CHRM5: variants seen among roughly 807,000 people sequenced by gnomAD.
The protein encoded by CHRM5 is muscarinic acetylcholine receptor M5.
CHRM5 carries 18 observed loss-of-function variants against 39.0 expected under a neutral mutation model. The observed-to-expected ratio is 0.46, with a 90% CI of 0.32 to 0.68. The LOEUF (loss-of-function observed/expected upper bound fraction) is 0.68. Among genes scored for constraint, CHRM5 ranks in the 30% least tolerant of loss-of-function variants. The pLI is 0.04. For synonymous variants in CHRM5, 241 were observed against 246.3 expected, an observed-to-expected ratio of 0.98 and a Z score of 0.20; for missense variants, 515 against 651.1, an observed-to-expected ratio of 0.79 and a Z score of 2.28.
rs554745776 is a variant in CHRM5 at position 34,063,068 on chromosome 15, T to C, written c.351T>C (p.Ser117=). ...LALDYVASNA[S]VMNLLVISFD... ...TGGACTACGTGGCCAGCAACGCTTC[T>C]GTCATGAACCTTCTGGTGATCAGTT... Residue 117 remains serine (S), a synonymous_variant, in exon 3 of 3, where the codon TCT becomes TCC. Coordinates refer to ENST00000383263, the MANE Select transcript of CHRM5 (RefSeq NM_012125.4). The surrounding 1 kb of genome is among the most constrained non-coding windows in gnomAD (Gnocchi z 4.1). The C allele has an allele frequency of 1.2e-6, 2 of 1,614,254 alleles. No homozygotes were observed. Among genetic ancestry groups the C allele is most frequent in the South Asian group, 2.2e-5 (2 of 91,084 alleles).
intron 1 of CHRM5, among the ~76,000 whole-genome samples, chr15:33,984,073 G>A (rs1457475987): frequency 6.6e-6 from 1 of 152,046 alleles, no homozygotes; most frequent in Non-Finnish European, 1.5e-5. Flanking sequence ...AATGTAATGT[G>A]GTATCCTGAG....
intron 2 of CHRM5, among the ~76,000 whole-genome samples, chr15:34,059,975 G>T (rs547537697): frequency 6.6e-6 from 1 of 151,400 alleles, no homozygotes; most frequent in East Asian, 2.0e-4. Context: ...TATTTAAGAG[G>T]GGCAGGAGAG....
intron 1 of CHRM5, among the ~76,000 whole-genome samples, chr15:34,042,219 T>C (rs544327472): frequency 6.6e-6 from 1 of 152,294 alleles, no homozygotes; most frequent in African/African-American, 2.4e-5. Flanking sequence ...GGTATTGCTT[T>C]TGCTTGATAG....
chr15:33,978,757 A>T (rs1896005636), intron 1 of CHRM5, among the ~76,000 whole-genome samples: 2 of 152,318 alleles, frequency 1.3e-5, no homozygotes, highest in South Asian at 4.1e-4. Flanking sequence ...ATTCGGCCTT[A>T]CTTTTTCCCT....
At chr15:34,010,589 A>G (rs370957143) in intron 1 of CHRM5, among the ~76,000 whole-genome samples, 1 of 148,704 alleles carries the variant, frequency 6.7e-6, no homozygotes, top group Admixed American at 6.7e-5. Context: ...CATTCACACC[A>G]TTTTTCACCC....
chr15:33,982,684 T>C (rs966238452), intron 1 of CHRM5, among the ~76,000 whole-genome samples: 1 of 152,222 alleles, frequency 6.6e-6, no homozygotes, highest in Non-Finnish European at 1.5e-5. Flanking sequence ...TTTGTTTAGG[T>C]TATGGCATTT....
rs1900420730 is a variant in CHRM5 at position 34,063,537 on chromosome 15, T to C, written c.820T>C (p.Ser274Pro). The C allele has an allele frequency of 6.2e-7, 1 of 1,613,324 alleles. No individual in the cohort carries two copies. Among genetic ancestry groups the C allele is most frequent in the African/African-American group, 1.3e-5 (1 of 74,862 alleles). The stretch of plus-strand genomic sequence containing the variant: ...AAGGAACCAGGCCTCCTGGTCATCC[T>C]CCCGCAGGAGCACCTCCACCACTGG... ...RERNQASWSS[S>P]RRSTSTTGKP... Residue 274 changes from serine to proline, a missense_variant, in exon 3 of 3, where the codon TCC (serine) becomes CCC (proline). Coordinates refer to ENST00000383263, the MANE Select transcript of CHRM5 (RefSeq NM_012125.4). The surrounding 1 kb of genome is among the most constrained non-coding windows in gnomAD (Gnocchi z 4.1).
chr15:34,050,994 A>G (rs1487717151), intron 2 of CHRM5, among the ~76,000 whole-genome samples: 1 of 152,250 alleles, frequency 6.6e-6, no homozygotes, highest in Non-Finnish European at 1.5e-5. Context: ...TTCTGAATCA[A>G]GTGGACCTGA....
intron 1 of CHRM5, among the ~76,000 whole-genome samples, chr15:34,006,670 T>C (rs1407118233): frequency 6.6e-6 from 1 of 152,222 alleles, no homozygotes; most frequent in African/African-American, 2.4e-5. Context: ...TCCTTATGCA[T>C]ATGAATAACT....
At chr15:33,976,007 A>C (rs1220669334) in intron 1 of CHRM5, among the ~76,000 whole-genome samples, 1 of 152,206 alleles carries the variant, frequency 6.6e-6, no homozygotes, top group Non-Finnish European at 1.5e-5. Context: ...ACATTATACC[A>C]AACACTGGAG....
chr15:34,055,562 G>C (rs902266763), intron 2 of CHRM5, among the ~76,000 whole-genome samples: 2 of 151,908 alleles, frequency 1.3e-5, no homozygotes, highest in Non-Finnish European at 2.9e-5. Context: ...AGCACTTTGG[G>C]AGGCTGAGGT....
intron 1 of CHRM5, among the ~76,000 whole-genome samples, chr15:33,998,421 G>A (rs993731016): frequency 6.6e-6 from 1 of 152,078 alleles, no homozygotes; most frequent in Non-Finnish European, 1.5e-5. Context: ...CCAGGAATTC[G>A]AGACCAGCCT....
intron 2 of CHRM5, among the ~76,000 whole-genome samples, chr15:34,057,939 C>T (rs115458756): frequency 2.5e-4 from 38 of 152,268 alleles, no homozygotes; most frequent in African/African-American, 8.9e-4. Context: ...GAGCTTATTC[C>T]ATTTATCAGA....
intron 1 of CHRM5, among the ~76,000 whole-genome samples, chr15:34,012,127 C>G (rs1897663401): frequency 6.6e-6 from 1 of 152,174 alleles, no homozygotes; most frequent in Admixed American, 6.5e-5. Flanking sequence ...AGTCCCAACT[C>G]CCAGGTAAAG....
At chr15:34,005,802 A>T (rs942211106) in intron 1 of CHRM5, among the ~76,000 whole-genome samples, 1 of 152,200 alleles carries the variant, frequency 6.6e-6, no homozygotes, top group Non-Finnish European at 1.5e-5. Context: ...AAATAGACTA[A>T]TTGGCCTTTC....
Position 34,047,227 on chromosome 15 carries a change from G to A in CHRM5, c.-76+356G>A, listed in dbSNP as rs577538524. On this transcript the variant is annotated intron_variant, in intron 2 of 2. Transcript: ENST00000383263. Reference sequence around the variant, plus strand: ...CGAGTAGCTGGGACTACAGGCGCCCGCCACCATGCCCTGCTAACTTTTTGT... The same window carrying A: ...CGAGTAGCTGGGACTACAGGCGCCCACCACCATGCCCTGCTAACTTTTTGT... Among the ~76,000 whole-genome samples, 67 of 152,092 alleles carry A rather than the reference G, an allele frequency of 4.4e-4. No individual in the cohort carries two copies. In the South Asian group the frequency reaches 0.013, roughly 29 times the overall value.
chr15:34,055,084 C>A (rs189372983), intron 2 of CHRM5, among the ~76,000 whole-genome samples: 1 of 151,684 alleles, frequency 6.6e-6, no homozygotes, highest in Non-Finnish European at 1.5e-5. Context: ...CCCAGCTACT[C>A]AGGAGGCTGA....
At chr15:34,053,798 G>A (rs111293185) in intron 2 of CHRM5, among the ~76,000 whole-genome samples, 1 of 152,048 alleles carries the variant, frequency 6.6e-6, no homozygotes, top group Non-Finnish European at 1.5e-5. Context: ...AGCATTAAAA[G>A]CAATTGCAAC....
At chr15:33,980,808 C>T (rs957546127) in intron 1 of CHRM5, among the ~76,000 whole-genome samples, 2 of 152,124 alleles carry the variant, frequency 1.3e-5, no homozygotes, top group Non-Finnish European at 2.9e-5. Context: ...ATATGCAAAA[C>T]ATTATCAACA....
Sources: allele counts gnomAD v4.1 joint callset (sites outside exome capture counted in the v4.1 genomes callset), GRCh38; gene constraint gnomAD v4.1.1; non-coding constraint Gnocchi (gnomAD v3.1); transcripts MANE v1.5; gene names NCBI Gene and HGNC (gene_info 2026-07-23, HGNC 2026-07-21).